Variants in ZNF695 observed in about 807,000 individuals in gnomAD.
ZNF695 encodes the protein zinc finger protein 695.
Under a neutral mutation model 11.2 loss-of-function variants are expected in ZNF695, and 11 were observed. The ratio of observed to expected loss-of-function variants is 0.98; its 90% confidence interval spans 0.62 to 1.62. ZNF695 has a LOEUF of 1.62. Among genes scored for constraint, ZNF695 ranks in the 40% most tolerant of loss-of-function variants. The probability of loss-of-function intolerance (pLI) is 0.00; values close to 1 mark genes in which losing one functional copy is unlikely to be tolerated. For missense variants in ZNF695, 559 were observed against 590.5 expected (o/e 0.95, Z 0.55); for synonymous variants, 190 against 201.4 (o/e 0.94, Z 0.48).
chr1:246,950,808 T>C (rs2102998215), intron 5 of ZNF695, among the ~76,000 whole-genome samples: 1 of 152,330 alleles, frequency 6.6e-6, no homozygotes, highest in African/African-American at 2.4e-5. Context: ...TGTCTCGGTT[T>C]CTTCATTTGT....
intron 4 of ZNF695, among the ~76,000 whole-genome samples, chr1:246,972,539 T>C (rs1005218799): frequency 6.6e-6 from 1 of 152,242 alleles, no homozygotes; most frequent in African/African-American, 2.4e-5. Context: ...GAGTTTTTTT[T>C]GAGATGAAGT....
At chr1:246,992,763 A>AT (rs1669079033) in intron 3 of ZNF695, among the ~76,000 whole-genome samples, 1 of 152,234 alleles carries the variant, frequency 6.6e-6, no homozygotes, top group African/African-American at 2.4e-5. Flanking sequence ...GCACAATGCC[A>AT]CAAGCCCCAT....
chr1:246,945,727 G>A (rs2102994750), exon 6 of ZNF695: 1 of 1,526,144 alleles, frequency 6.6e-7, no homozygotes, highest in East Asian at 2.5e-5. Flanking sequence ...TGGACCCGGT[G>A]TAAATTCGCC....
At chr1:247,005,260 AAAGAACC>A (rs1241723956) in intron 1 of ZNF695, among the ~76,000 whole-genome samples, 5 of 152,230 alleles carry the variant, frequency 3.3e-5, no homozygotes, top group African/African-American at 1.2e-4. Context: ...GGAACAAAAT[AAAGAACC>A]AAGAAAAAAA....
rs1285419073 is a variant in ZNF695 at position 246,987,867 on chromosome 1, T to A, written c.648A>T (p.Lys216Asn). The change falls in exon 4 of 4, where the codon AAA becomes AAT. Residue 216 changes from lysine to asparagine, a missense_variant. Physicochemically the swap from Lys to Asn is moderately conservative, Grantham distance 94. Coordinates refer to ENST00000339986, the MANE Select transcript of ZNF695 (RefSeq NM_020394.5). Reference sequence around the variant, plus strand: ...AGCACTCATTAAAGGCTTTGCCACATTTTTTACATTGGTACGGGTTCTCTC... The same window carrying A: ...AGCACTCATTAAAGGCTTTGCCACAATTTTTACATTGGTACGGGTTCTCTC... The part of the protein sequence containing the change: ...HIGENPYQCK[K>N]CGKAFNECSC... The A allele has an allele frequency of 6.2e-7, 1 of 1,608,840 alleles. No individual in the cohort carries two copies. Among genetic ancestry groups the A allele is most frequent in the Non-Finnish European group, 8.5e-7 (1 of 1,178,580 alleles).
At position 246,986,119 on chromosome 1, in the gene ZNF695, G is replaced by T. The variant is rs894838357; in HGVS notation, c.*848C>A. ...GGGTCTTGCTCTGTTGCCCAGGCAGGAGTGAAGTTGCCAGATAGCAGCTCA... is the reference window on the plus strand; with the variant it reads ...GGGTCTTGCTCTGTTGCCCAGGCAGTAGTGAAGTTGCCAGATAGCAGCTCA... On this transcript the variant is annotated 3_prime_UTR_variant, in exon 4 of 4. Coordinates refer to ENST00000339986, the MANE Select transcript of ZNF695 (RefSeq NM_020394.5). 2 of 888,022 alleles carry T rather than the reference G, an allele frequency of 2.3e-6. No homozygotes were observed. Among genetic ancestry groups the T allele is most frequent in the African/African-American group, 3.6e-5 (2 of 55,294 alleles). 55.0% of individuals were successfully genotyped at this position (888,022 alleles called of 1,614,324 possible).
chr1:246,983,731 T>C (rs1441390835), downstream of ZNF695, among the ~76,000 whole-genome samples: 1 of 152,078 alleles, frequency 6.6e-6, no homozygotes, highest in African/African-American at 2.4e-5. Context: ...GGCAAGAGAC[T>C]TGATTGAACC....
chr1:246,967,754 G>T, exon 5 of ZNF695: 2 of 396,716 alleles, frequency 5.0e-6, no homozygotes, highest in South Asian at 3.8e-5. Context: ...TTAGAATCAT[G>T]GCAGAAGGCA....
At chr1:247,005,972 T>C (rs1204746413) in intron 1 of ZNF695, among the ~76,000 whole-genome samples, 2 of 152,248 alleles carry the variant, frequency 1.3e-5, no homozygotes. Context: ...AAGCCTGTAA[T>C]CCCAGCACTT....
In ZNF695 at chr1:246,992,769, C is replaced by T. The variant is rs552682098; in HGVS notation, c.260-4514G>A. On this transcript the variant is annotated intron_variant, in intron 3 of 3. Coordinates refer to ENST00000339986, the MANE Select transcript of ZNF695 (RefSeq NM_020394.5). ...TGCAGGTGAGCACAATGCCACAAGC[C>T]CCATAGAATGGAAGGAAAGTTGGTT... Among the ~76,000 whole-genome samples, 3 of 152,118 alleles carry T rather than the reference C, an allele frequency of 2.0e-5. No homozygotes were observed. The East Asian group carries it at 5.8e-4, about 29-fold the overall frequency.
intron 4 of ZNF695, chr1:246,969,231 AT>A (rs1668363823): frequency 1.3e-5 from 2 of 152,256 alleles, no homozygotes; most frequent in Non-Finnish European, 2.9e-5. Context: ...GCCAGGCCAT[AT>A]CTTGAATGCT....
At chr1:246,947,130 A>G (rs79556100) in intron 5 of ZNF695, among the ~76,000 whole-genome samples, 49,233 of 123,462 alleles carry the variant, frequency 0.4, 9,899 homozygotes, top group East Asian at 0.52. Context: ...ACAAAGCGAG[A>G]CTCCGTCAAA....
At chr1:246,991,273 A>C (rs1266592011) in intron 3 of ZNF695, among the ~76,000 whole-genome samples, 2 of 152,176 alleles carry the variant, frequency 1.3e-5, no homozygotes, top group Admixed American at 6.5e-5. Context: ...AAAATGGACA[A>C]ATGGGAACAT....
At chr1:246,965,012 A>T (rs985931429) in intron 5 of ZNF695, among the ~76,000 whole-genome samples, 2 of 152,166 alleles carry the variant, frequency 1.3e-5, no homozygotes, top group African/African-American at 4.8e-5. Context: ...CTGCTCATGG[A>T]TTAATCCATG....
chr1:246,976,062 T>C (rs1668549936), intron 4 of ZNF695, among the ~76,000 whole-genome samples: 1 of 152,168 alleles, frequency 6.6e-6, no homozygotes, highest in Non-Finnish European at 1.5e-5. Context: ...AAGAATGAGA[T>C]AGACCATCTG....
chr1:246,946,127 C>G (rs1233977676), intron 5 of ZNF695, among the ~76,000 whole-genome samples: 1 of 152,104 alleles, frequency 6.6e-6, no homozygotes, highest in Non-Finnish European at 1.5e-5. Flanking sequence ...AATGAAAATG[C>G]TCCCCGTGCC....
At chr1:246,952,268 A>T (rs1033473263) in intron 5 of ZNF695, among the ~76,000 whole-genome samples, 2 of 152,164 alleles carry the variant, frequency 1.3e-5, no homozygotes, top group African/African-American at 4.8e-5. Flanking sequence ...CACTTCTACC[A>T]CCAGAGTGGA....
chr1:246,978,458 T>G (rs1014769023), intron 4 of ZNF695, among the ~76,000 whole-genome samples: 1 of 152,218 alleles, frequency 6.6e-6, no homozygotes, highest in African/African-American at 2.4e-5. Context: ...GGTGCTTTAA[T>G]TTGCATGATG....
intron 5 of ZNF695, among the ~76,000 whole-genome samples, chr1:246,949,651 C>G (rs1250355149): frequency 6.6e-6 from 1 of 151,954 alleles, no homozygotes; most frequent in Non-Finnish European, 1.5e-5. Context: ...TCCTTCCTGA[C>G]TGAGCTGCAT....
Sources: allele counts gnomAD v4.1 joint callset (sites outside exome capture counted in the v4.1 genomes callset), GRCh38; gene constraint gnomAD v4.1.1; transcripts MANE v1.5; gene names NCBI Gene and HGNC (gene_info 2026-07-23, HGNC 2026-07-21).